Variants in HYDIN observed in about 807,000 individuals in gnomAD.
HYDIN encodes HYDIN axonemal central pair apparatus protein, also known as axonemal central pair apparatus protein HYDIN.
In HYDIN, 132 loss-of-function variants were observed where a neutral mutation model predicts 403.9. That is an observed-to-expected ratio of 0.33 (90% CI 0.28 to 0.38). HYDIN has a LOEUF of 0.38. HYDIN is among the 10% of genes least tolerant of loss of function. The probability of loss-of-function intolerance (pLI) is 1.00; values close to 1 mark genes in which losing one functional copy is unlikely to be tolerated. For synonymous variants in HYDIN, 1,202 were observed against 1,891.7 expected (o/e 0.64, Z 9.46); for missense variants, 2,827 against 5,009.5 (o/e 0.56, Z 13.15).
intron 18 of HYDIN, among the ~76,000 whole-genome samples, chr16:71,043,980 GAGAGAGAGAAAA>G (rs1002965864): frequency 5.9e-5 from 9 of 151,936 alleles, no homozygotes; most frequent in African/African-American, 1.7e-4. Flanking sequence ...GAGGTGGAGA[GAGAGAGAGAAAA>G]AGAGAGAGAA....
At position 70,920,743 on chromosome 16, in the gene HYDIN, G is replaced by A. The variant is rs373825456; in HGVS notation, c.7633C>T (p.Arg2545Trp). The A allele has an allele frequency of 1.3e-5, 20 of 1,572,934 alleles. No homozygotes were observed. Among genetic ancestry groups the A allele is most frequent in the African/African-American group, 4.1e-5 (3 of 73,902 alleles). ...RLEKLRALEE[R>W]SDWEGEGEED... ...TCCCCTTCCCCCTCCCAGTCGCTCC[G>A]CTCCTCCAGGGCTCGCAGCTTCTCC... The change falls in exon 46 of 86, where the codon CGG becomes TGG. Residue 2545 changes from arginine to tryptophan, a missense_variant. Physicochemically the swap from Arg to Trp is moderately radical, Grantham distance 101. Transcript: ENST00000393567.
rs2144786972 is a variant in HYDIN, at chr16:71,230,545, C to T, written c.-24+17G>A. 6.5e-7 allele frequency: 1 copy of T among 1,527,248 alleles called. No homozygotes were observed. The highest frequency in any genetic ancestry group is 8.8e-7 in the Non-Finnish European group (1 of 1,140,838). 94.6% of individuals were successfully genotyped at this position (1,527,248 alleles called of 1,614,324 possible). A position where few individuals can be genotyped will look rare whatever the true frequency, so the allele number is the denominator to read the frequency against. On this transcript the variant is annotated intron_variant, in intron 1 of 85. Transcript: ENST00000393567. Reference sequence around the variant, plus strand: ...CCCTCACACTTTGACCCCACAATCTCTGCGAGGACCTCTGACCTTGGTGCA... The same window carrying T: ...CCCTCACACTTTGACCCCACAATCTTTGCGAGGACCTCTGACCTTGGTGCA...
At chr16:70,869,631 C>T (rs7185998) in intron 65 of HYDIN, among the ~76,000 whole-genome samples, 9,923 of 144,450 alleles carry the variant, frequency 0.069, 1,058 homozygotes, top group African/African-American at 0.25. Flanking sequence ...GTAAAATGTG[C>T]CTTTTGCCTT....
At position 71,064,807 on chromosome 16, in the gene HYDIN, T is replaced by C; in HGVS notation, c.2109A>G (p.Thr703=). The change falls in exon 16 of 86, where the codon ACA becomes ACG. Residue 703 remains threonine, a synonymous_variant. Coordinates refer to ENST00000393567, the MANE Select transcript of HYDIN (RefSeq NM_001270974.2). ...CVVPALHLVN[T]EVDFGHCFLK... ...GGAAGCAGTGCCCAAAGTCCACCTC[T>C]GTATTGACCAGGTGGAGGGCAGGTA... is the stretch of plus-strand genomic sequence containing the variant. 6.2e-7 allele frequency: 1 copy of C among 1,612,128 alleles called. No individual in the cohort carries two copies. The highest frequency in any genetic ancestry group is 1.1e-5 in the South Asian group (1 of 90,660).
intron 3 of HYDIN, among the ~76,000 whole-genome samples, chr16:71,181,348 A>G (rs1339533846): frequency 2.0e-5 from 3 of 152,038 alleles, no homozygotes. Context: ...TAATTATATT[A>G]TTACATATCA....
chr16:70,921,278 T>C lies in HYDIN; in HGVS notation c.7159-61A>G, dbSNP rs1318717304. 4 of 1,528,762 alleles carry C rather than the reference T, an allele frequency of 2.6e-6. No homozygotes were observed. The African/African-American group carries it at 5.5e-5, about 21-fold the overall frequency. The allele number at this position is 1,528,762 out of a possible 1,614,324, so 94.7% of individuals were successfully genotyped here. A position where few individuals can be genotyped will look rare whatever the true frequency, so the allele number is the denominator to read the frequency against. ...GTTTTTTACGGGGTAGTAAATTGCA[T>C]AAGGAGGAGCAAAAGGACATTTTGT... On this transcript the variant is annotated intron_variant, in intron 45 of 85. Coordinates refer to ENST00000393567, the MANE Select transcript of HYDIN (RefSeq NM_001270974.2).
At chr16:71,198,176 C>A (rs931861163) in intron 1 of HYDIN, among the ~76,000 whole-genome samples, 1 of 152,188 alleles carries the variant, frequency 6.6e-6, no homozygotes, top group Non-Finnish European at 1.5e-5. Context: ...TCTAATGTAT[C>A]TATTTTATTA....
chr16:71,184,743 A>T, intron 3 of HYDIN, 122 bp downstream of exon 3: 1 of 761,826 alleles, frequency 1.3e-6, no homozygotes, highest in South Asian at 2.5e-5. Flanking sequence ...GCAGAAAAGG[A>T]GGATTGAAAA....
chr16:70,878,921 C>T (rs1285393914), intron 62 of HYDIN, among the ~76,000 whole-genome samples: 4 of 142,718 alleles, frequency 2.8e-5, no homozygotes, highest in African/African-American at 1.2e-4. Flanking sequence ...CATTTGAATG[C>T]TGTATTTTTC....
chr16:70,812,502 G>A (rs200742849), intron 84 of HYDIN, among the ~76,000 whole-genome samples: 4 of 151,446 alleles, frequency 2.6e-5, no homozygotes, highest in Non-Finnish European at 5.9e-5. Context: ...AAACAAACCC[G>A]AAATAAGTGA....
intron 20 of HYDIN, among the ~76,000 whole-genome samples, chr16:71,025,752 C>T (rs2080668980): frequency 7.0e-6 from 1 of 142,020 alleles, no homozygotes; most frequent in South Asian, 2.4e-4. Flanking sequence ...TTTCTGACTG[C>T]CCTGAGGCAG....
intron 7 of HYDIN, among the ~76,000 whole-genome samples, chr16:71,137,678 T>C (rs1181485239): frequency 6.6e-6 from 1 of 152,156 alleles, no homozygotes; most frequent in Non-Finnish European, 1.5e-5. Context: ...AATCGAGTTA[T>C]AGAATTTTAC....
chr16:70,835,252 T>C (rs2037344156), intron 78 of HYDIN, among the ~76,000 whole-genome samples: 1 of 151,892 alleles, frequency 6.6e-6, no homozygotes, highest in African/African-American at 2.4e-5. Flanking sequence ...TGCCTCAGCC[T>C]CCCAAAGTGT....
chr16:70,874,735 C>T (rs2040345202), intron 63 of HYDIN, 82 bp downstream of exon 63: 3 of 1,479,728 alleles, frequency 2.0e-6, no homozygotes, highest in Non-Finnish European at 2.7e-6. Flanking sequence ...GGGCATTCCC[C>T]TCTGGCTGGG....
Position 70,895,972 on chromosome 16 carries a change from C to G in HYDIN, c.9148+9G>C. On this transcript the variant is annotated intron_variant, in intron 54 of 85. Coordinates refer to ENST00000393567, the MANE Select transcript of HYDIN (RefSeq NM_001270974.2). ...TCCAAACATCCTGTCCTTGAAGGGC[C>G]CAACAGACCTTTGGGGAAGGTGATG... is the stretch of plus-strand genomic sequence containing the variant. 1 of 1,598,804 alleles carries G rather than the reference C, an allele frequency of 6.3e-7. No individual in the cohort carries two copies. Among genetic ancestry groups the G allele is most frequent in the Non-Finnish European group, 8.5e-7 (1 of 1,173,768 alleles).
chr16:71,130,065 T>C (rs1433762335), intron 8 of HYDIN, among the ~76,000 whole-genome samples: 2 of 152,196 alleles, frequency 1.3e-5, no homozygotes, highest in Non-Finnish European at 2.9e-5. Context: ...TCCTATTCAA[T>C]ACTCATTGCT....
At chr16:71,217,971 C>T (rs1326663022) in intron 1 of HYDIN, among the ~76,000 whole-genome samples, 1 of 152,138 alleles carries the variant, frequency 6.6e-6, no homozygotes, top group Non-Finnish European at 1.5e-5. Context: ...ATGAGGGGAT[C>T]AGTCAATAAG....
chr16:70,920,608 G>T lies in HYDIN; in HGVS notation c.7768C>A (p.Leu2590Ile), dbSNP rs774313850. The T allele has an allele frequency of 6.2e-7, 1 of 1,613,346 alleles. No individual in the cohort carries two copies. The highest frequency in any genetic ancestry group is 2.2e-5 in the East Asian group (1 of 44,874). ...SWKQALESDK[L>I]PKGEQILDIL... ...GTCCATACCTGCTCTCCTTTGGGAAGCTTGTCGCTCTCTAGGGCCTGCTTC... is the reference window on the plus strand; with the variant it reads ...GTCCATACCTGCTCTCCTTTGGGAATCTTGTCGCTCTCTAGGGCCTGCTTC... Residue 2590 changes from leucine to isoleucine, a missense_variant, in exon 46 of 86, where the codon CTT (leucine) becomes ATT (isoleucine). By Grantham distance (5) the Leu-to-Ile change is conservative. Coordinates refer to ENST00000393567, the MANE Select transcript of HYDIN (RefSeq NM_001270974.2).
At chr16:71,170,311 T>A (rs913793684) in intron 5 of HYDIN, among the ~76,000 whole-genome samples, 3 of 152,220 alleles carry the variant, frequency 2.0e-5, no homozygotes, top group Non-Finnish European at 2.9e-5. Flanking sequence ...AACTTAACCC[T>A]CAGTGATGTA....
Sources: gnomAD v4.1 joint callset for allele counts (sites outside exome capture counted in the v4.1 genomes callset) on GRCh38, gnomAD v4.1.1 for gene constraint, MANE v1.5 for transcripts, NCBI Gene and HGNC (gene_info 2026-07-23, HGNC 2026-07-21) for gene names.